The following NUP205 variants were observed in gnomAD, a reference collection of about 807,000 sequenced individuals.
The protein encoded by NUP205 is nucleoporin 205.
In NUP205, 76 loss-of-function variants were observed where a neutral mutation model predicts 253.8. That is an observed-to-expected ratio of 0.30 (90% CI 0.25 to 0.36). NUP205 has a LOEUF of 0.36. NUP205 is among the 10% of genes least tolerant of loss of function. The pLI is 1.00. For missense variants in NUP205, 2,162 were observed against 2,425.5 expected, an observed-to-expected ratio of 0.89 and a Z score of 2.28; for synonymous variants, 832 against 850.1, an observed-to-expected ratio of 0.98 and a Z score of 0.37.
rs1440458023 is a variant in NUP205 at position 135,648,680 on chromosome 7, C to T, written c.*124C>T. The T allele has an allele frequency of 4.5e-6, 3 of 667,208 alleles. No individual in the cohort carries two copies. Among genetic ancestry groups the T allele is most frequent in the Non-Finnish European group, 6.7e-6 (3 of 449,750 alleles). The allele number at this position is 667,208 out of a possible 1,614,324, so 41.3% of individuals were successfully genotyped here. A position where few individuals can be genotyped will look rare whatever the true frequency, so the allele number is the denominator to read the frequency against. Reference sequence around the variant, plus strand: ...TGCTATTTCTTTCTTTGTATATGGACATCTTTTCTGTAAACTTCTTCCCCT... The same window carrying T: ...TGCTATTTCTTTCTTTGTATATGGATATCTTTTCTGTAAACTTCTTCCCCT... On this transcript the variant is annotated 3_prime_UTR_variant, in exon 43 of 43. Transcript: ENST00000285968.
chr7:135,604,596 A>T (rs1794046299), intron 19 of NUP205, 136 bp downstream of exon 19: 2 of 834,876 alleles, frequency 2.4e-6, no homozygotes, highest in Non-Finnish European at 3.6e-6. Context: ...TTTGTATAGG[A>T]TGGGTGAAAA....
chr7:135,584,751 C>T (rs1490249492), intron 7 of NUP205, 81 bp from the exon 8 acceptor site: 1 of 1,219,876 alleles, frequency 8.2e-7, no homozygotes, highest in African/African-American at 1.5e-5. Flanking sequence ...TCTGAACCAT[C>T]AGCAGAGTAT....
At chr7:135,645,928 T>C in intron 41 of NUP205, 1 of 584,742 alleles carries the variant, frequency 1.7e-6, no homozygotes, top group East Asian at 2.8e-5. Flanking sequence ...CTGATGGCCA[T>C]ATATTGGATC....
intron 22 of NUP205, among the ~76,000 whole-genome samples, chr7:135,607,593 A>G (rs1233391333): frequency 6.6e-6 from 1 of 152,160 alleles, no homozygotes; most frequent in African/African-American, 2.4e-5. Flanking sequence ...AGGAAATTAG[A>G]TTTTTGTGAT....
At chr7:135,614,741 G>A (rs1794317588) in intron 23 of NUP205, among the ~76,000 whole-genome samples, 1 of 152,148 alleles carries the variant, frequency 6.6e-6, no homozygotes, top group African/African-American at 2.4e-5. Flanking sequence ...TATTGACATG[G>A]CTAACAATTA....
At chr7:135,574,150 C>A (rs1806083500) in intron 3 of NUP205, among the ~76,000 whole-genome samples, 1 of 151,990 alleles carries the variant, frequency 6.6e-6, no homozygotes, top group Admixed American at 6.6e-5. Context: ...CCTTTCTTAA[C>A]CTTTGATTGG....
At chr7:135,630,552 T>C in intron 35 of NUP205, 82 bp downstream of exon 35, 1 of 1,292,398 alleles carries the variant, frequency 7.7e-7, no homozygotes, top group African/African-American at 1.5e-5. Flanking sequence ...TTTGTTACTT[T>C]GCAGCTATAT....
At chr7:135,594,234 G>T (rs1433883823) in intron 12 of NUP205, among the ~76,000 whole-genome samples, 2 of 151,900 alleles carry the variant, frequency 1.3e-5, no homozygotes, top group East Asian at 3.9e-4. Flanking sequence ...TTCCAGAAAG[G>T]ATTTAAGATG....
intron 13 of NUP205, among the ~76,000 whole-genome samples, chr7:135,596,740 A>G (rs2129490414): frequency 6.6e-6 from 1 of 152,050 alleles, no homozygotes. Flanking sequence ...ACCTGAGGTC[A>G]GAAGTTTGAG....
intron 31 of NUP205, 22 bp downstream of exon 31, chr7:135,622,947 A>G (rs1455209947): frequency 1.2e-5 from 20 of 1,606,740 alleles, no homozygotes; most frequent in East Asian, 2.2e-5. Context: ...CTTATTTAGT[A>G]TTATAATTGA....
chr7:135,645,494 C>T lies in NUP205; in HGVS notation c.5710C>T (p.Leu1904Phe). 6.2e-7 allele frequency: 1 copy of T among 1,613,906 alleles called. No homozygotes were observed. The highest frequency in any genetic ancestry group is 1.1e-5 in the South Asian group (1 of 91,076). ...SFIIETCLFI[L>F]WRHLEYYLLH... is the part of the protein sequence containing the mutation. ...TATCATAGAGACCTGCCTATTTATTCTTTGGCGCCATCTGGAGTACTACTT... is the reference window on the plus strand; with the variant it reads ...TATCATAGAGACCTGCCTATTTATTTTTTGGCGCCATCTGGAGTACTACTT... Residue 1904 changes from leucine (L) to phenylalanine (F), a missense_variant, in exon 41 of 43, where the codon CTT becomes TTT. Physicochemically the swap from Leu to Phe is conservative, Grantham distance 22 (BLOSUM62 0). This residue lies in a region of NUP205 where 1,144 missense variants were observed against 1,280.9 expected (regional missense o/e 0.89). Coordinates refer to ENST00000285968, the MANE Select transcript of NUP205 (RefSeq NM_015135.3).
chr7:135,609,209 A>G lies in NUP205; in HGVS notation c.3195+1838A>G, dbSNP rs1029288395. On this transcript the variant is annotated intron_variant, in intron 22 of 42. Coordinates refer to ENST00000285968, the MANE Select transcript of NUP205 (RefSeq NM_015135.3). ...TTTTTAGGATAAGAAATGGTGGGTCATGAGATCAGGAGATCAAGACCATCC... is the reference window on the plus strand; with the variant it reads ...TTTTTAGGATAAGAAATGGTGGGTCGTGAGATCAGGAGATCAAGACCATCC... 1.3e-4 allele frequency among the ~76,000 whole-genome samples: 19 copies of G among 151,900 alleles called. 1 individual carries two copies. The highest frequency in any genetic ancestry group is 2.1e-4 in the South Asian group (1 of 4,828).
chr7:135,617,148 G>C lies in NUP205; in HGVS notation c.3591G>C (p.Glu1197Asp). The change falls in exon 26 of 43, where the codon GAG becomes GAC. Residue 1197 changes from glutamate to aspartate, a missense_variant. By Grantham distance (45) the Glu-to-Asp change is conservative. This residue lies in a region of NUP205 where 1,144 missense variants were observed against 1,280.9 expected (regional missense o/e 0.89). Coordinates refer to ENST00000285968, the MANE Select transcript of NUP205 (RefSeq NM_015135.3). ...DSIDFSQEIP[E>D]PLQLDFFDRA... ...TTGACTTCAGTCAGGAGATCCCTGAGCCTTTGCAGTTGGATTTTTTTGATC... is the reference window on the plus strand; with the variant it reads ...TTGACTTCAGTCAGGAGATCCCTGACCCTTTGCAGTTGGATTTTTTTGATC... The C allele has an allele frequency of 1.2e-6, 2 of 1,613,814 alleles. No homozygotes were observed. The highest frequency in any genetic ancestry group is 1.7e-6 in the Non-Finnish European group (2 of 1,179,772).
Position 135,606,695 on chromosome 7 carries a change from G to T in NUP205, c.2906-56G>T. 3 of 1,387,098 alleles carry T rather than the reference G, an allele frequency of 2.2e-6. No individual in the cohort carries two copies. The South Asian group carries it at 3.6e-5, about 17-fold the overall frequency. The allele number at this position is 1,387,098 out of a possible 1,614,324, so 85.9% of individuals were successfully genotyped here. On this transcript the variant is annotated intron_variant, in intron 20 of 42. Transcript: ENST00000285968. ...AATACAAGTTTTGTATTTTTTATTT[G>T]ACTTACGTTAACTTTCCACTGTTTT...
In NUP205 at chr7:135,564,310, G is replaced by A. The variant is rs373993343; in HGVS notation, c.28+6338G>A. Among the ~76,000 whole-genome samples, 25 of 146,968 alleles carry A rather than the reference G, an allele frequency of 1.7e-4. No individual in the cohort carries two copies. The East Asian group carries it at 2.6e-3, about 15-fold the overall frequency. The stretch of plus-strand genomic sequence containing the variant: ...CACCCAGGCTGGAGTGCAATGGCAT[G>A]ATCTCAGGTGACTGCAACCTCTGCC... On this transcript the variant is annotated intron_variant, in intron 1 of 42. Coordinates refer to ENST00000285968, the MANE Select transcript of NUP205 (RefSeq NM_015135.3).
intron 27 of NUP205, 41 bp downstream of exon 27, chr7:135,617,723 T>A: frequency 1.5e-6 from 2 of 1,291,792 alleles, no homozygotes; most frequent in Non-Finnish European, 2.2e-6. Flanking sequence ...AACTTCTAAC[T>A]ACTTAGGTTG....
intron 15 of NUP205, among the ~76,000 whole-genome samples, chr7:135,600,593 G>A (rs1246876413): frequency 6.6e-6 from 1 of 152,086 alleles, no homozygotes; most frequent in Non-Finnish European, 1.5e-5. Flanking sequence ...GATACTAAAT[G>A]TTTTCAATGT....
chr7:135,637,931 C>T lies in NUP205; in HGVS notation c.5137C>T (p.Arg1713Cys), dbSNP rs763400589. Residue 1713 changes from arginine to cysteine, a missense_variant and splice_region_variant, in exon 37 of 43, where the codon CGC becomes TGC. Arg to Cys is a radical substitution (Grantham distance 180, BLOSUM62 -3). Around this residue, in one of 5 missense-constraint regions of NUP205, gnomAD observed 1,144 missense variants for 1,280.9 expected, o/e 0.89. Coordinates refer to ENST00000285968, the MANE Select transcript of NUP205 (RefSeq NM_015135.3). ...TAACAAGATATCTTTTTCTTGTTAG[C>T]GCCAGTGCTTAGGACTACTAAGTCG... ...ELQGHIGRFQ[R>C]QCLGLLSRFG... 12 of 1,605,236 alleles carry T rather than the reference C, an allele frequency of 7.5e-6. No individual in the cohort carries two copies. The highest frequency in any genetic ancestry group is 2.2e-5 in the South Asian group (2 of 89,352).
chr7:135,644,747 G>C, intron 39 of NUP205, 148 bp from the exon 40 acceptor site: 2 of 702,216 alleles, frequency 2.8e-6, no homozygotes, highest in Non-Finnish European at 2.2e-6. Context: ...AAAATTGCTA[G>C]CTTCTTAGAT....
Sources: allele counts gnomAD v4.1 joint callset (sites outside exome capture counted in the v4.1 genomes callset), GRCh38; gene constraint gnomAD v4.1.1; regional missense constraint gnomAD v4.1.1; transcripts MANE v1.5; gene names NCBI Gene and HGNC (gene_info 2026-07-23, HGNC 2026-07-21).